Variants in CCDC171 observed in about 807,000 individuals in gnomAD.
CCDC171 encodes coiled-coil domain containing 171.
In CCDC171, 177 loss-of-function variants were observed where a neutral mutation model predicts 168.2. The ratio of observed to expected loss-of-function variants is 1.05; its 90% confidence interval spans 0.93 to 1.19. The LOEUF (loss-of-function observed/expected upper bound fraction) is 1.19, where lower values mean the gene tolerates loss of function less well. CCDC171 is among the 50% of genes most tolerant of loss of function. CCDC171 has a pLI of 0.00. For synonymous variants in CCDC171, 687 were observed against 540.8 expected, an observed-to-expected ratio of 1.27 and a Z score of -3.75; for missense variants, 1,991 against 1,539.0, an observed-to-expected ratio of 1.29 and a Z score of -4.91.
chr9:15,838,108 GATTTA>G (rs1193033185), intron 21 of CCDC171, among the ~76,000 whole-genome samples: 1 of 152,000 alleles, frequency 6.6e-6, no homozygotes, highest in Admixed American at 6.5e-5. Flanking sequence ...TACCTTGTAG[GATTTA>G]ATAATTAATG....
chr9:15,888,920 A>C, intron 24 of CCDC171: 1 of 146,956 alleles, frequency 6.8e-6, no homozygotes, highest in East Asian at 2.0e-4. Flanking sequence ...GTGTTATTTA[A>C]TATATGGTAT....
At chr9:15,703,913 A>T (rs1264004126) in intron 11 of CCDC171, among the ~76,000 whole-genome samples, 1 of 152,236 alleles carries the variant, frequency 6.6e-6, no homozygotes, top group Non-Finnish European at 1.5e-5. Context: ...TACAATAATA[A>T]CATTAAAGAT....
chr9:15,661,682 A>G (rs943858441), intron 8 of CCDC171, among the ~76,000 whole-genome samples: 7 of 152,178 alleles, frequency 4.6e-5, no homozygotes, highest in African/African-American at 1.4e-4. Flanking sequence ...GAAATTTGTT[A>G]TTGTTTGTAT....
chr9:15,656,334 A>C (rs930686274), intron 7 of CCDC171, among the ~76,000 whole-genome samples: 17 of 152,066 alleles, frequency 1.1e-4, no homozygotes, highest in African/African-American at 2.2e-4. Context: ...AAAAAAAAAA[A>C]AACAAATCAA....
intron 21 of CCDC171, among the ~76,000 whole-genome samples, chr9:15,822,592 C>T (rs1309702800): frequency 2.0e-5 from 3 of 152,170 alleles, no homozygotes; most frequent in Non-Finnish European, 4.4e-5. Context: ...AAATGCTCAT[C>T]ATCACTGACC....
chr9:15,745,780 C>G (rs1342200549), intron 18 of CCDC171, 149 bp downstream of exon 18: 4 of 445,000 alleles, frequency 9.0e-6, no homozygotes, highest in Non-Finnish European at 1.6e-5. Flanking sequence ...ATTGTTAACT[C>G]TGTACTTAAT....
chr9:15,578,718 C>G (rs969455235), intron 3 of CCDC171, 131 bp from the exon 4 acceptor site: 6 of 532,866 alleles, frequency 1.1e-5, no homozygotes, highest in Non-Finnish European at 1.8e-5. Flanking sequence ...TCCAGTGATT[C>G]AGAATATATA....
chr9:15,988,097 C>A (rs1832054969), intron 3 of CCDC171, among the ~76,000 whole-genome samples: 1 of 152,088 alleles, frequency 6.6e-6, no homozygotes, highest in Non-Finnish European at 1.5e-5. Flanking sequence ...ATATAACATA[C>A]CATTAATACA....
At chr9:15,714,855 A>G (rs139848721) in intron 11 of CCDC171, among the ~76,000 whole-genome samples, 1 of 152,306 alleles carries the variant, frequency 6.6e-6, no homozygotes, top group African/African-American at 2.4e-5. Flanking sequence ...AGACTTAACT[A>G]TGCTGCCCAT....
chr9:15,843,825 T>C (rs1240464683), intron 21 of CCDC171, among the ~76,000 whole-genome samples: 7 of 152,202 alleles, frequency 4.6e-5, no homozygotes. Flanking sequence ...GGCTGTCCCA[T>C]AGGTTTTCTC....
intron 21 of CCDC171, among the ~76,000 whole-genome samples, chr9:15,800,345 T>C (rs768525210): frequency 6.6e-6 from 1 of 152,174 alleles, no homozygotes; most frequent in Non-Finnish European, 1.5e-5. Context: ...AATTTTGATA[T>C]GCATTTCTCT....
chr9:15,888,073 C>G (rs960470803), intron 24 of CCDC171: 10 of 152,134 alleles, frequency 6.6e-5, no homozygotes, highest in African/African-American at 2.2e-4. Flanking sequence ...TTGTTTTATC[C>G]CAGACTCTTT....
chr9:15,948,664 G>A (rs1828717820), intron 25 of CCDC171, among the ~76,000 whole-genome samples: 1 of 151,948 alleles, frequency 6.6e-6, no homozygotes, highest in Non-Finnish European at 1.5e-5. Context: ...CCCCCTTTTT[G>A]ATGGGGTTGT....
chr9:15,989,068 T>G (rs1832095805), intron 3 of CCDC171, among the ~76,000 whole-genome samples: 1 of 152,112 alleles, frequency 6.6e-6, no homozygotes, highest in Non-Finnish European at 1.5e-5. Context: ...TCTGACAGTT[T>G]TGAAGAGAGT....
intron 11 of CCDC171, among the ~76,000 whole-genome samples, chr9:15,700,661 T>C (rs1038429830): frequency 6.6e-6 from 1 of 152,118 alleles, no homozygotes; most frequent in Non-Finnish European, 1.5e-5. Context: ...TTTGTATTTT[T>C]TTTTTAACGA....
intron 11 of CCDC171, among the ~76,000 whole-genome samples, chr9:15,707,022 T>C (rs961216991): frequency 2.0e-5 from 3 of 152,226 alleles, no homozygotes; most frequent in African/African-American, 7.2e-5. Context: ...TAGTATCCTC[T>C]TGAGAATTTT....
chr9:15,843,455 AT>A (rs946183187), intron 21 of CCDC171, among the ~76,000 whole-genome samples: 2 of 151,418 alleles, frequency 1.3e-5, no homozygotes, highest in African/African-American at 2.4e-5. Context: ...CAGGCTTTGA[AT>A]TTTTTTTTCT....
intron 3 of CCDC171, among the ~76,000 whole-genome samples, chr9:16,018,148 C>G (rs193129625): frequency 8.9e-4 from 136 of 152,292 alleles, no homozygotes; most frequent in African/African-American, 3.0e-3. Flanking sequence ...GCTAATCTCC[C>G]ATATCCACCC....
chr9:15,632,960 G>A (rs1452210721), intron 7 of CCDC171, among the ~76,000 whole-genome samples: 1 of 152,218 alleles, frequency 6.6e-6, no homozygotes, highest in Admixed American at 6.5e-5. Context: ...GGGAAAACTG[G>A]CTAGCCATAT....
Sources: allele counts gnomAD v4.1 joint callset (sites outside exome capture counted in the v4.1 genomes callset), GRCh38; gene constraint gnomAD v4.1.1; transcripts MANE v1.5; gene names NCBI Gene and HGNC (gene_info 2026-07-23, HGNC 2026-07-21).